The following CREB5 variants were observed in gnomAD, a reference collection of about 807,000 sequenced individuals.
The protein encoded by CREB5 is cAMP responsive element binding protein 5.
A neutral mutation model predicts 57.1 loss-of-function variants in CREB5; 19 were observed. The observed-to-expected ratio is 0.33, with a 90% CI of 0.23 to 0.49. The LOEUF (loss-of-function observed/expected upper bound fraction) is 0.49, where lower values mean the gene tolerates loss of function less well. Ranked by LOEUF, CREB5 falls within the 20% of genes least tolerant of loss-of-function variation. The probability of loss-of-function intolerance (pLI) is 0.99; values close to 1 mark genes in which losing one functional copy is unlikely to be tolerated. For synonymous variants in CREB5, 238 were observed against 238.3 expected (o/e 1.00, Z 0.01); for missense variants, 579 against 671.6 (o/e 0.86, Z 1.52).
intron 4 of CREB5, among the ~76,000 whole-genome samples, chr7:28,569,156 CTTTT>C (rs754353559): frequency 6.8e-6 from 1 of 146,358 alleles, no homozygotes; most frequent in Non-Finnish European, 1.5e-5. Context: ...CTTTTCTTTT[CTTTT>C]TTTTTTTCTT....
At chr7:28,403,122 C>G (rs555606604) in intron 1 of CREB5, among the ~76,000 whole-genome samples, 1 of 152,296 alleles carries the variant, frequency 6.6e-6, no homozygotes, top group South Asian at 2.1e-4. Flanking sequence ...GTGATGGCTT[C>G]AACTAGAACA....
chr7:28,578,594 T>C (rs1487522230), intron 5 of CREB5, among the ~76,000 whole-genome samples: 3 of 152,248 alleles, frequency 2.0e-5, no homozygotes, highest in Non-Finnish European at 4.4e-5. Context: ...GGAGCTTTTA[T>C]ATTCTATAAT....
chr7:28,428,442 G>A (rs1788590163), intron 1 of CREB5, among the ~76,000 whole-genome samples: 4 of 152,160 alleles, frequency 2.6e-5, no homozygotes, highest in Admixed American at 2.0e-4. Flanking sequence ...AGACAATGGT[G>A]GGCTGGACTG....
rs114584707 is a variant in CREB5, at chr7:28,816,669, G to T, written c.1255-1402G>T. On this transcript the variant is annotated intron_variant, in intron 9 of 10. Transcript: ENST00000357727. ...GAAATGGGAGATATTCCTTAAAACA[G>T]ATTTCAATTTTTTTTAGCGCAACTT... is the stretch of plus-strand genomic sequence containing the variant. Among the ~76,000 whole-genome samples, 1,343 of 152,284 alleles carry T rather than the reference G, an allele frequency of 8.8e-3. 22 individuals are homozygous for T. The highest frequency in any genetic ancestry group is 0.031 in the African/African-American group (1,268 of 41,566).
chr7:28,478,621 C>G (rs1791182737), intron 1 of CREB5, among the ~76,000 whole-genome samples: 1 of 152,042 alleles, frequency 6.6e-6, no homozygotes, highest in Non-Finnish European at 1.5e-5. Context: ...TGGAGCTGTC[C>G]TCTCAGTAAT....
chr7:28,475,105 C>T (rs1016988992), intron 1 of CREB5, among the ~76,000 whole-genome samples: 11 of 152,166 alleles, frequency 7.2e-5, no homozygotes, highest in South Asian at 4.2e-4. Flanking sequence ...TTTAACTCCC[C>T]GGTGCCCCAA....
chr7:28,550,622 G>A (rs563485736), intron 4 of CREB5, among the ~76,000 whole-genome samples: 5 of 151,904 alleles, frequency 3.3e-5, no homozygotes, highest in South Asian at 2.1e-4. Context: ...CACCTTCTCC[G>A]CCTCCCACCT....
intron 5 of CREB5, among the ~76,000 whole-genome samples, chr7:28,634,045 G>A (rs758402087): frequency 6.6e-6 from 1 of 152,142 alleles, no homozygotes. Context: ...AAAGTAAAAC[G>A]GAGATAATTG....
rs1344251561 is a variant in CREB5 at position 28,737,501 on chromosome 7, CTCTCTG to C, written c.702+13171_702+13176del. 4.3e-3 allele frequency among the ~76,000 whole-genome samples: 620 copies of C among 144,216 alleles called. 8 individuals are homozygous for C. The highest frequency in any genetic ancestry group is 0.015 in the African/African-American group (576 of 38,614). The allele number at this position is 144,216 out of a possible 152,430, so 94.6% of individuals were successfully genotyped here. ...CATAGTAATTTCTCTCTCTCTCTCT[CTCTCTG>C]TGTGTGTGTGTGTATATATGTATAT... On this transcript the variant is annotated intron_variant, in intron 7 of 10. Transcript: ENST00000357727.
chr7:28,576,476 T>A (rs555556913), intron 5 of CREB5, among the ~76,000 whole-genome samples: 1 of 152,312 alleles, frequency 6.6e-6, no homozygotes, highest in South Asian at 2.1e-4. Context: ...TTCCCCATGC[T>A]CCTGACCGTG....
intron 5 of CREB5, among the ~76,000 whole-genome samples, chr7:28,660,622 A>G (rs1045846100): frequency 2.0e-5 from 3 of 152,174 alleles, no homozygotes; most frequent in Non-Finnish European, 4.4e-5. Context: ...ATAACTGAGA[A>G]GTCCTATAGT....
At chr7:28,522,984 G>C (rs1013503427) in intron 4 of CREB5, among the ~76,000 whole-genome samples, 4 of 152,190 alleles carry the variant, frequency 2.6e-5, no homozygotes, top group Non-Finnish European at 4.4e-5. Flanking sequence ...TCGCTGTGAG[G>C]TGTTTTGTTC....
intron 5 of CREB5, among the ~76,000 whole-genome samples, chr7:28,600,538 G>T (rs367782655): frequency 6.6e-6 from 1 of 152,178 alleles, no homozygotes; most frequent in Non-Finnish European, 1.5e-5. Flanking sequence ...GGGATGATGA[G>T]GAGGAGGGGC....
chr7:28,543,966 G>A (rs1397390292), intron 4 of CREB5, among the ~76,000 whole-genome samples: 2 of 149,108 alleles, frequency 1.3e-5, no homozygotes, highest in Non-Finnish European at 3.0e-5. Context: ...AGTGCCATGA[G>A]CATTAAATGA....
chr7:28,721,862 A>C (rs1803049431), intron 6 of CREB5, among the ~76,000 whole-genome samples: 1 of 152,206 alleles, frequency 6.6e-6, no homozygotes, highest in South Asian at 2.1e-4. Flanking sequence ...ACCTCACTGA[A>C]CTACAGACAG....
chr7:28,338,069 G>A (rs988583466), intron 1 of CREB5, among the ~76,000 whole-genome samples: 1 of 151,978 alleles, frequency 6.6e-6, no homozygotes, highest in Non-Finnish European at 1.5e-5. Context: ...TTATTATACA[G>A]TCTATGTCTT....
chr7:28,308,618 C>G (rs1785226713), intron 1 of CREB5, among the ~76,000 whole-genome samples: 1 of 152,136 alleles, frequency 6.6e-6, no homozygotes, highest in African/African-American at 2.4e-5. Flanking sequence ...TCCCTTGCTC[C>G]CTTCCCTCCA....
chr7:28,446,238 G>A (rs536355958), intron 1 of CREB5, among the ~76,000 whole-genome samples: 59 of 150,524 alleles, frequency 3.9e-4, no homozygotes, highest in Non-Finnish European at 5.8e-4. Flanking sequence ...CTCATCTCCT[G>A]CCTCCCCAGC....
rs1562797336 is a variant in CREB5 at position 28,560,866 on chromosome 7, C to CGCG, written c.292-9499_292-9498insGCG. Reference sequence around the variant, plus strand: ...TGTGCGCGTGTGTGTGTGCGTGTGCCTGCGTGCGCGTGCGTGCGTGCGTGT... The same window carrying CGCG: ...TGTGCGCGTGTGTGTGTGCGTGTGCCGCGTGCGTGCGCGTGCGTGCGTGCGTGT... On this transcript the variant is annotated intron_variant, in intron 4 of 10. Coordinates refer to ENST00000357727, the MANE Select transcript of CREB5 (RefSeq NM_182898.4). 1.2e-3 allele frequency among the ~76,000 whole-genome samples: 61 copies of CGCG among 50,280 alleles called. 2 individuals carry two copies. Among genetic ancestry groups the CGCG allele is most frequent in the South Asian group, 4.6e-3 (5 of 1,094 alleles). 33.0% of individuals were successfully genotyped at this position (50,280 alleles called of 152,430 possible). A position where few individuals can be genotyped will look rare whatever the true frequency, so the allele number is the denominator to read the frequency against.
Sources: allele counts gnomAD v4.1 joint callset (sites outside exome capture counted in the v4.1 genomes callset), GRCh38; gene constraint gnomAD v4.1.1; transcripts MANE v1.5; gene names NCBI Gene and HGNC (gene_info 2026-07-23, HGNC 2026-07-21).